The following CARD14 variants were observed in gnomAD, a reference collection of about 807,000 sequenced individuals.
CARD14 encodes caspase recruitment domain family member 14.
CARD14 carries 107 observed loss-of-function variants against 111.5 expected under a neutral mutation model. The ratio of observed to expected loss-of-function variants is 0.96; its 90% CI spans 0.82 to 1.13. The LOEUF (loss-of-function observed/expected upper bound fraction) is 1.13. Ranked by LOEUF, CARD14 falls within the 50% of genes most tolerant of loss-of-function variation. The pLI is 0.00. For missense variants in CARD14, 1,322 were observed against 1,362.3 expected, an observed-to-expected ratio of 0.97 and a Z score of 0.47; for synonymous variants, 617 against 579.6, an observed-to-expected ratio of 1.06 and a Z score of -0.93.
At chr17:80,206,385 G>C (rs944046398) in intron 22 of CARD14, among the ~76,000 whole-genome samples, 3 of 152,258 alleles carry the variant, frequency 2.0e-5, no homozygotes, top group Admixed American at 1.3e-4. Context: ...AGGCCTAGGC[G>C]GGAAGATTGC....
intron 7 of CARD14, among the ~76,000 whole-genome samples, chr17:80,185,785 C>A (rs550878534): frequency 6.6e-6 from 1 of 152,206 alleles, no homozygotes; most frequent in Non-Finnish European, 1.5e-5. Context: ...AAGCCCCCAC[C>A]CCTTCCCTTT....
chr17:80,204,996 C>T, intron 20 of CARD14, 39 bp from the exon 21 acceptor site: 1 of 1,499,172 alleles, frequency 6.7e-7, no homozygotes, highest in Non-Finnish European at 8.9e-7. Context: ...CTGGGGGCTG[C>T]CGCAGCCTCA....
intron 7 of CARD14, among the ~76,000 whole-genome samples, chr17:80,187,198 G>T (rs1283448191): frequency 1.3e-5 from 2 of 152,142 alleles, no homozygotes; most frequent in African/African-American, 4.8e-5. Flanking sequence ...CTTCAGACCC[G>T]TGCTCAGTCC....
intron 22 of CARD14, among the ~76,000 whole-genome samples, chr17:80,206,532 G>A (rs1449350338): frequency 2.0e-5 from 3 of 152,230 alleles, no homozygotes; most frequent in East Asian, 1.9e-4. Flanking sequence ...TTGGGAGGCC[G>A]AGGCGGGCAG....
chr17:80,204,515 T>A, intron 20 of CARD14, 174 bp downstream of exon 20: 1 of 562,996 alleles, frequency 1.8e-6, no homozygotes, highest in East Asian at 3.2e-5. Context: ...TCCCAGATAC[T>A]CGGGAGGCTG....
Position 80,184,100 on chromosome 17 carries a change from C to T in CARD14, c.537C>T (p.Arg179=). Residue 179 remains arginine, a synonymous_variant, in exon 7 of 24, where the codon CGC becomes CGT. Transcript: ENST00000648509. ...ACCAGCTGGAGGCTGACCACAGCCG[C>T]ATGAAGCGTGAGGTTAGCGCACACT... ...GLHQLEADHS[R]MKREVSAHFH... The T allele has an allele frequency of 6.3e-7, 1 of 1,581,116 alleles. No homozygotes were observed. Among genetic ancestry groups the T allele is most frequent in the Non-Finnish European group, 8.6e-7 (1 of 1,164,174 alleles).
At chr17:80,179,921 C>G (rs147034279) in intron 4 of CARD14, among the ~76,000 whole-genome samples, 3 of 152,174 alleles carry the variant, frequency 2.0e-5, no homozygotes, top group African/African-American at 7.2e-5. Flanking sequence ...CCATCTGCCT[C>G]GCATTTCCTT....
chr17:80,192,316 T>A (rs979872194), intron 11 of CARD14, 187 bp from the exon 12 acceptor site: 3 of 568,742 alleles, frequency 5.3e-6, no homozygotes, highest in Non-Finnish European at 9.5e-6. Context: ...TCAGTCTCTT[T>A]GATTGGCAGC....
intron 7 of CARD14, among the ~76,000 whole-genome samples, chr17:80,186,396 C>G (rs2040345736): frequency 6.6e-6 from 1 of 152,204 alleles, no homozygotes; most frequent in African/African-American, 2.4e-5. Flanking sequence ...AACCCTTCAA[C>G]CAGCTCCGTG....
intron 5 of CARD14, 119 bp downstream of exon 5, chr17:80,181,768 G>A: frequency 1.1e-6 from 1 of 915,796 alleles, no homozygotes; most frequent in Non-Finnish European, 1.6e-6. Flanking sequence ...AACACTTGCT[G>A]TTGCCTTTAG....
Position 80,198,401 on chromosome 17 carries a change from G to A in CARD14, c.1661G>A (p.Gly554Asp). 2 of 1,599,108 alleles carry A rather than the reference G, an allele frequency of 1.3e-6. No individual in the cohort carries two copies. The highest frequency in any genetic ancestry group is 1.7e-4 in the Middle Eastern group (1 of 5,998). The part of the protein sequence containing the change: ...SPGRLDVSES[G>D]VLMRRRPARR... ...GCCGGTCGTCTCCCGGCCTGCAGCG[G>A]CGTCCTCATGCGGCGGAGGCCAGCC... The change falls in exon 16 of 24, where the codon GGC becomes GAC. Residue 554 changes from glycine (G) to aspartate (D), a missense_variant and splice_region_variant. Gly to Asp is a moderately conservative substitution (Grantham distance 94, BLOSUM62 -1). Coordinates refer to ENST00000648509, the MANE Select transcript of CARD14 (RefSeq NM_001366385.1). This position sits in a 1 kb window ranked among gnomAD's most constrained non-coding sequence, Gnocchi z 7.5.
chr17:80,180,547 C>A (rs1268642313), intron 4 of CARD14, among the ~76,000 whole-genome samples: 1 of 152,176 alleles, frequency 6.6e-6, no homozygotes, highest in Admixed American at 6.5e-5. Flanking sequence ...AACAAGGGAC[C>A]ACCTGCTGCG....
At position 80,189,130 on chromosome 17, in the gene CARD14, G is replaced by A. The variant is rs540154198; in HGVS notation, c.843+586G>A. On this transcript the variant is annotated intron_variant, in intron 8 of 23. Coordinates refer to ENST00000648509, the MANE Select transcript of CARD14 (RefSeq NM_001366385.1). This position sits in a 1 kb window ranked among gnomAD's most constrained non-coding sequence, Gnocchi z 4.7. ...TTTACTGCAGCGACTGTGTTCTGGA[G>A]TGGACTTGGCCAATTGTAAAGCATG... Among the ~76,000 whole-genome samples the A allele has an allele frequency of 1.1e-4, 17 of 152,306 alleles. No individual in the cohort carries two copies. Among genetic ancestry groups the A allele is most frequent in the Admixed American group, 1.0e-3 (16 of 15,294 alleles).
chr17:80,182,723 C>T lies in CARD14; in HGVS notation c.282C>T (p.Phe94=). 6.2e-7 allele frequency: 1 copy of T among 1,614,082 alleles called. No individual in the cohort carries two copies. Among genetic ancestry groups the T allele is most frequent in the Non-Finnish European group, 8.5e-7 (1 of 1,180,006 alleles). The stretch of plus-strand genomic sequence containing the variant: ...TCGCCTTCCTGGAGAGCCTGAAGTT[C>T]CACAACCCTGACGTCTACACCCTGG... ...GAIAFLESLK[F]HNPDVYTLVT... Residue 94 remains phenylalanine, a synonymous_variant, in exon 6 of 24, where the codon TTC becomes TTT. Coordinates refer to ENST00000648509, the MANE Select transcript of CARD14 (RefSeq NM_001366385.1). This position sits in a 1 kb window ranked among gnomAD's most constrained non-coding sequence, Gnocchi z 4.7.
At chr17:80,175,217 A>G (rs2144092462) in intron 2 of CARD14, among the ~76,000 whole-genome samples, 1 of 151,822 alleles carries the variant, frequency 6.6e-6, no homozygotes, top group South Asian at 2.1e-4. Context: ...GGCTCAAGCG[A>G]TCTGCCTGCC....
In CARD14 at chr17:80,207,022, G is replaced by A. The variant is rs1363364617; in HGVS notation, c.2744G>A (p.Arg915Lys). The A allele has an allele frequency of 3.1e-6, 5 of 1,613,966 alleles. No individual in the cohort carries two copies. The highest frequency in any genetic ancestry group is 1.3e-5 in the African/African-American group (1 of 74,918). ...VQLDSVCTLH[R>K]MDIFPIVIHV... is the part of the protein sequence containing the mutation. ...CTGGACAGTGTCTGCACCCTGCACA[G>A]GATGGACATCTTCCCCATCGTCATC... The change falls in exon 23 of 24, where the codon AGG becomes AAG. Residue 915 changes from arginine to lysine, a missense_variant. By Grantham distance (26) the Arg-to-Lys change is conservative. Coordinates refer to ENST00000648509, the MANE Select transcript of CARD14 (RefSeq NM_001366385.1).
chr17:80,205,326 C>A, intron 21 of CARD14, 121 bp downstream of exon 21: 13 of 1,164,472 alleles, frequency 1.1e-5, no homozygotes, highest in Non-Finnish European at 1.6e-5. Flanking sequence ...CACATTCCCA[C>A]ACTCACCTGC....
At position 80,198,765 on chromosome 17, in the gene CARD14, C is replaced by T. The variant is rs56067448; in HGVS notation, c.1851+174C>T. The T allele has an allele frequency of 0.021, 32,186 of 1,517,724 alleles. 456 individuals are homozygous for T. The highest frequency in any genetic ancestry group is 0.046 in the South Asian group (3,597 of 77,758). The allele number at this position is 1,517,724 out of a possible 1,614,324, so 94.0% of individuals were successfully genotyped here. A position where few individuals can be genotyped will look rare whatever the true frequency, so the allele number is the denominator to read the frequency against. ...GTTCTGCTCATTTATAGATGAGAGT[C>T]GTGCCGTGCAGAACCCAGCATGTCA... is the stretch of plus-strand genomic sequence containing the variant. On this transcript the variant is annotated intron_variant, in intron 16 of 23. Transcript: ENST00000648509. The surrounding 1 kb of genome is among the most constrained non-coding windows in gnomAD (Gnocchi z 7.5).
At chr17:80,175,566 C>T (rs1303787962) in intron 2 of CARD14, among the ~76,000 whole-genome samples, 2 of 152,066 alleles carry the variant, frequency 1.3e-5, no homozygotes, top group Non-Finnish European at 2.9e-5. Flanking sequence ...GTCACAGGGT[C>T]AGCTGAGGTG....
Sources: allele counts gnomAD v4.1 joint callset (sites outside exome capture counted in the v4.1 genomes callset), GRCh38; gene constraint gnomAD v4.1.1; non-coding constraint Gnocchi (gnomAD v3.1); transcripts MANE v1.5; gene names NCBI Gene and HGNC (gene_info 2026-07-23, HGNC 2026-07-21).